Variants in PSMG2 observed in about 807,000 individuals in gnomAD.
PSMG2 encodes proteasome assembly chaperone 2, also known as CD40 ligand-activated specific transcript 3.
In PSMG2, 21 loss-of-function variants were observed where a neutral mutation model predicts 31.5. That is an observed-to-expected ratio of 0.67 (90% CI 0.47 to 0.96). The LOEUF (loss-of-function observed/expected upper bound fraction) is 0.96, where lower values mean the gene tolerates loss of function less well. PSMG2 is among the 40% of genes least tolerant of loss of function. PSMG2 has a pLI of 0.00. For synonymous variants in PSMG2, 120 were observed against 110.4 expected (o/e 1.09, Z -0.54); for missense variants, 318 against 321.2 (o/e 0.99, Z 0.08).
At chr18:12,676,399 C>T (rs150214416) in intron 1 of PSMG2, among the ~76,000 whole-genome samples, 64 of 151,018 alleles carry the variant, frequency 4.2e-4, no homozygotes, top group African/African-American at 1.4e-3. Flanking sequence ...CCTCAGCCTC[C>T]GAGTATCTGG....
At position 12,710,536 on chromosome 18, in the gene PSMG2, C is replaced by CT. The variant is rs200827061; in HGVS notation, c.230-2158dup. ...AATCTCTTTTACTCTAGAGCAGTCCCTTTTTTTTCATCACAAACCGATTTA... is the reference window on the plus strand; with the variant it reads ...AATCTCTTTTACTCTAGAGCAGTCCCTTTTTTTTTCATCACAAACCGATTTA... On this transcript the variant is annotated intron_variant, in intron 2 of 6. Transcript: ENST00000317615. Among the ~76,000 whole-genome samples, 8 of 151,914 alleles carry CT rather than the reference C, an allele frequency of 5.3e-5. No homozygotes were observed. In the South Asian group the frequency reaches 1.5e-3, roughly 28 times the overall value.
At chr18:12,683,837 C>T (rs1598632805) in intron 1 of PSMG2, among the ~76,000 whole-genome samples, 1 of 150,542 alleles carries the variant, frequency 6.6e-6, no homozygotes, top group South Asian at 2.1e-4. Context: ...AAGCAAGATA[C>T]AAAAATTTAT....
chr18:12,700,644 A>G (rs533809404), upstream of PSMG2, among the ~76,000 whole-genome samples: 24 of 152,336 alleles, frequency 1.6e-4, no homozygotes, highest in Non-Finnish European at 2.8e-4. Context: ...TCATAATGAA[A>G]AAGAACTTTG....
chr18:12,710,224 G>A (rs2040315845), intron 2 of PSMG2, among the ~76,000 whole-genome samples: 1 of 152,088 alleles, frequency 6.6e-6, no homozygotes, highest in Non-Finnish European at 1.5e-5. Flanking sequence ...TTACAGGTGT[G>A]AGCCACCACG....
intron 1 of PSMG2, among the ~76,000 whole-genome samples, chr18:12,669,938 G>GGTGAGCCGAGATTGCA (rs386387089): frequency 4.6e-5 from 7 of 151,128 alleles, no homozygotes; most frequent in South Asian, 4.2e-4. Context: ...CGGAGGTTGC[G>GGTGAGCCGAGATTGCA]GTGAGCCGAG....
intron 1 of PSMG2, among the ~76,000 whole-genome samples, chr18:12,677,353 GC>G (rs2039174851): frequency 6.7e-6 from 1 of 148,832 alleles, no homozygotes; most frequent in African/African-American, 2.5e-5. Context: ...CAGGAGAATT[GC>G]TTAAACCTGG....
upstream of PSMG2, among the ~76,000 whole-genome samples, chr18:12,700,661 T>C (rs1296441001): frequency 6.6e-6 from 1 of 152,182 alleles, no homozygotes; most frequent in African/African-American, 2.4e-5. Context: ...TTTGTTATGG[T>C]GAACTAATTG....
chr18:12,682,469 A>G (rs1365467076), intron 1 of PSMG2, among the ~76,000 whole-genome samples: 1 of 152,138 alleles, frequency 6.6e-6, no homozygotes, highest in Non-Finnish European at 1.5e-5. Context: ...GACTACAGGC[A>G]TGAGCCACCT....
At chr18:12,696,524 A>C (rs867815472) in intron 1 of PSMG2, among the ~76,000 whole-genome samples, 10 of 150,892 alleles carry the variant, frequency 6.6e-5, no homozygotes, top group East Asian at 1.9e-4. Flanking sequence ...TAATAATAAT[A>C]ATCTAAATTA....
At chr18:12,667,644 C>A (rs752022471) in intron 1 of PSMG2, among the ~76,000 whole-genome samples, 6 of 151,426 alleles carry the variant, frequency 4.0e-5, no homozygotes, top group Non-Finnish European at 7.4e-5. Flanking sequence ...GCCTGTACTC[C>A]CAGCTACTCG....
chr18:12,672,042 A>AC (rs1377359291), intron 1 of PSMG2, among the ~76,000 whole-genome samples: 3 of 148,984 alleles, frequency 2.0e-5, no homozygotes, highest in Non-Finnish European at 4.4e-5. Context: ...CTGGTCTTGA[A>AC]CCCCTGACCT....
chr18:12,673,237 A>G (rs912095758), intron 1 of PSMG2: 24 of 1,429,036 alleles, frequency 1.7e-5, no homozygotes, highest in African/African-American at 1.5e-5. Context: ...TCAAGTATAT[A>G]CAAAATTGAA....
At chr18:12,716,414 G>A (rs1038002097) in intron 3 of PSMG2, among the ~76,000 whole-genome samples, 3 of 127,100 alleles carry the variant, frequency 2.4e-5, no homozygotes, top group African/African-American at 6.0e-5. Flanking sequence ...TTTTTTTTGA[G>A]ACGGAGTCTC....
At position 12,718,496 on chromosome 18, in the gene PSMG2, TTC is replaced by T. The variant is rs1247557271; in HGVS notation, c.289-16_289-15del. ...GACTAACTTTTAGATTTTCTTTTTA[TTC>T]TCTCAATGGTGTGCAAAGTATAAAT... is the stretch of plus-strand genomic sequence containing the variant. On this transcript the variant is annotated intron_variant, in intron 3 of 6. Transcript: ENST00000317615. 1 of 1,481,326 alleles carries T rather than the reference TTC, an allele frequency of 6.8e-7. No individual in the cohort carries two copies. Among genetic ancestry groups the T allele is most frequent in the African/African-American group, 1.4e-5 (1 of 71,322 alleles). The allele number at this position is 1,481,326 out of a possible 1,614,324, so 91.8% of individuals were successfully genotyped here.
chr18:12,705,022 G>T (rs1376728127), intron 1 of PSMG2, among the ~76,000 whole-genome samples: 1 of 152,058 alleles, frequency 6.6e-6, no homozygotes, highest in Non-Finnish European at 1.5e-5. Flanking sequence ...GATGTAGTTG[G>T]TAAGGGAATG....
At chr18:12,702,968 G>C, upstream of PSMG2, 1 of 934,874 alleles carries the variant, frequency 1.1e-6, no homozygotes. Flanking sequence ...AGCTGGACGG[G>C]CCTCAAGGGC....
chr18:12,723,033 T>G (rs1329749065), intron 5 of PSMG2, among the ~76,000 whole-genome samples: 1 of 152,238 alleles, frequency 6.6e-6, no homozygotes, highest in Non-Finnish European at 1.5e-5. Context: ...AACCAAGTAC[T>G]GGGCTAGGGT....
intron 1 of PSMG2, chr18:12,685,463 T>C (rs926623448): frequency 1.3e-5 from 2 of 152,072 alleles, no homozygotes; most frequent in African/African-American, 2.4e-5. Context: ...TCACAATAAA[T>C]AAGAAACTAC....
At chr18:12,661,306 C>T (rs996659959) in intron 1 of PSMG2, 17 of 943,524 alleles carry the variant, frequency 1.8e-5, no homozygotes, top group Non-Finnish European at 2.1e-5. Flanking sequence ...GAGCCTTCAT[C>T]TCAAAAAAGA....
Sources: gnomAD v4.1 joint callset for allele counts (sites outside exome capture counted in the v4.1 genomes callset) on GRCh38, gnomAD v4.1.1 for gene constraint, MANE v1.5 for transcripts, NCBI Gene and HGNC (gene_info 2026-07-23, HGNC 2026-07-21) for gene names.